The following ANKS1B variants were observed in gnomAD, a reference collection of about 807,000 sequenced individuals.
ANKS1B encodes ankyrin repeat and sterile alpha motif domain-containing protein 1B.
In ANKS1B, 36 loss-of-function variants were observed where a neutral mutation model predicts 148.3. That is an observed-to-expected ratio of 0.24 (90% confidence interval 0.19 to 0.32). The LOEUF (loss-of-function observed/expected upper bound fraction) is 0.32. Ranked by LOEUF, ANKS1B falls within the 10% of genes least tolerant of loss-of-function variation. ANKS1B has a pLI of 1.00. For missense variants in ANKS1B, 1,157 were observed against 1,542.6 expected (o/e 0.75, Z 4.19); for synonymous variants, 542 against 560.8 (o/e 0.97, Z 0.47).
chr12:99,968,461 G>C (rs61941602), intron 1 of ANKS1B, among the ~76,000 whole-genome samples: 8,626 of 152,290 alleles, frequency 0.057, 362 homozygotes, highest in Admixed American at 0.1. Flanking sequence ...GGGAGGCTGA[G>C]GCAGGAGAAT....
intron 17 of ANKS1B, among the ~76,000 whole-genome samples, chr12:99,001,804 A>G (rs893039187): frequency 6.6e-6 from 1 of 152,106 alleles, no homozygotes; most frequent in African/African-American, 2.4e-5. Flanking sequence ...CTCAACATCT[A>G]TTTCTCCTAC....
At chr12:99,687,795 TA>T (rs1399900548) in intron 8 of ANKS1B, among the ~76,000 whole-genome samples, 1 of 152,224 alleles carries the variant, frequency 6.6e-6, no homozygotes, top group African/African-American at 2.4e-5. Context: ...GCTTTGCTGC[TA>T]AATCTATTGT....
chr12:99,823,970 A>G (rs1222090128), intron 2 of ANKS1B, among the ~76,000 whole-genome samples: 1 of 152,190 alleles, frequency 6.6e-6, no homozygotes, highest in Non-Finnish European at 1.5e-5. Context: ...TACCAGTACC[A>G]TGCTGTTTTA....
intron 10 of ANKS1B, among the ~76,000 whole-genome samples, chr12:99,485,026 T>C (rs2096469342): frequency 6.6e-6 from 1 of 151,964 alleles, no homozygotes; most frequent in East Asian, 1.9e-4. Flanking sequence ...ACATTCAACG[T>C]TAATATTGAG....
intron 12 of ANKS1B, among the ~76,000 whole-genome samples, chr12:99,389,063 G>T (rs1201445273): frequency 6.6e-6 from 1 of 152,170 alleles, no homozygotes; most frequent in African/African-American, 2.4e-5. Context: ...CAAAGGCCTG[G>T]AGACAGGGAG....
chr12:99,984,330 C>T lies in ANKS1B; in HGVS notation c.-93G>A. The T allele has an allele frequency of 7.8e-7, 1 of 1,276,782 alleles. No individual in the cohort carries two copies. The highest frequency in any genetic ancestry group is 1.1e-6 in the Non-Finnish European group (1 of 937,768). 79.1% of individuals were successfully genotyped at this position (1,276,782 alleles called of 1,614,324 possible). On this transcript the variant is annotated 5_prime_UTR_variant, in exon 1 of 27. Transcript: ENST00000683438. ...CCCCAAAATCCAGGGCCCTCTTCGC[C>T]CCACCCTAAAATAATGCAAGAGCTT...
chr12:99,131,723 G>A (rs533496102), intron 15 of ANKS1B, among the ~76,000 whole-genome samples: 3 of 152,298 alleles, frequency 2.0e-5, no homozygotes, highest in South Asian at 4.1e-4. Flanking sequence ...GCTCCCCTGA[G>A]CCTTTCTTTT....
Position 99,655,145 on chromosome 12 carries a change from C to A in ANKS1B, c.1194G>T (p.Thr398=), listed in dbSNP as rs374453521. 9 of 1,612,682 alleles carry A rather than the reference C, an allele frequency of 5.6e-6. No individual in the cohort carries two copies. In the East Asian group the frequency reaches 2.0e-4, roughly 36 times the overall value. ...CTTCCCAAAGTCCTGATGGCCCACA[C>A]GTATTTTCATCATCATCCTCTTCTT... The part of the protein sequence containing the change: ...EVEEEDDDEN[T]CGPSGLWEAL... The change falls in exon 9 of 27, where the codon ACG becomes ACT. Residue 398 remains threonine, a synonymous_variant. Transcript: ENST00000683438.
At chr12:99,968,126 G>C (rs1412115340) in intron 1 of ANKS1B, among the ~76,000 whole-genome samples, 1 of 152,028 alleles carries the variant, frequency 6.6e-6, no homozygotes, top group African/African-American at 2.4e-5. Context: ...GATGAGAAAG[G>C]TCTAAGGACA....
chr12:98,739,601 G>C (rs1175301643), downstream of ANKS1B, among the ~76,000 whole-genome samples: 1 of 151,992 alleles, frequency 6.6e-6, no homozygotes, highest in African/African-American at 2.4e-5. Flanking sequence ...GCAGGCCTTG[G>C]TTAGTGGATC....
intron 12 of ANKS1B, among the ~76,000 whole-genome samples, chr12:99,383,749 A>G (rs1421176027): frequency 6.6e-6 from 1 of 150,852 alleles, no homozygotes; most frequent in Non-Finnish European, 1.5e-5. Flanking sequence ...TGCAGTGCGC[A>G]TGCCTGTAAT....
intron 9 of ANKS1B, among the ~76,000 whole-genome samples, chr12:99,549,281 G>A (rs1036312427): frequency 2.0e-5 from 3 of 152,204 alleles, no homozygotes; most frequent in African/African-American, 7.2e-5. Context: ...CGTGATGGCA[G>A]AAGACTGGAG....
chr12:99,075,986 AT>A (rs1163776348), intron 16 of ANKS1B, among the ~76,000 whole-genome samples: 19 of 151,820 alleles, frequency 1.3e-4, no homozygotes, highest in African/African-American at 4.6e-4. Context: ...GTATCTCTAT[AT>A]AAAAATCAAT....
chr12:99,975,276 T>C (rs1224722134), intron 1 of ANKS1B, among the ~76,000 whole-genome samples: 2 of 152,344 alleles, frequency 1.3e-5, no homozygotes, highest in Admixed American at 1.3e-4. Context: ...TTTTGTTGCC[T>C]CTTTAAATGA....
At chr12:99,025,074 C>A (rs1464620562) in intron 17 of ANKS1B, among the ~76,000 whole-genome samples, 2 of 152,178 alleles carry the variant, frequency 1.3e-5, no homozygotes, top group South Asian at 2.1e-4. Flanking sequence ...TGGTACCCCC[C>A]TCTCTAGAAC....
At chr12:98,895,163 T>A in intron 17 of ANKS1B, 7 of 984,592 alleles carry the variant, frequency 7.1e-6, no homozygotes, top group Non-Finnish European at 7.2e-6. Context: ...GCGAGAGCGA[T>A]GCGGGCCCAG....
chr12:99,940,125 G>T (rs2094882589), intron 1 of ANKS1B, among the ~76,000 whole-genome samples: 2 of 152,064 alleles, frequency 1.3e-5, no homozygotes, highest in Non-Finnish European at 2.9e-5. Flanking sequence ...CCAAATAATT[G>T]GAAAGAATAC....
At chr12:99,659,684 T>C (rs547970388) in intron 8 of ANKS1B, among the ~76,000 whole-genome samples, 3 of 152,232 alleles carry the variant, frequency 2.0e-5, no homozygotes, top group Admixed American at 6.5e-5. Context: ...GTGTAAATTA[T>C]ATGACAACTA....
intron 8 of ANKS1B, among the ~76,000 whole-genome samples, chr12:99,657,897 C>CAAAAA (rs58151526): frequency 2.5e-4 from 19 of 75,410 alleles, no homozygotes; most frequent in African/African-American, 6.9e-4. Flanking sequence ...TCTCCTCCCT[C>CAAAAA]AAAAAAAAAA....
Sources: allele counts gnomAD v4.1 joint callset (sites outside exome capture counted in the v4.1 genomes callset), GRCh38; gene constraint gnomAD v4.1.1; transcripts MANE v1.5; gene names NCBI Gene and HGNC (gene_info 2026-07-23, HGNC 2026-07-21).